The following EPM2A variants were observed in gnomAD, a reference collection of about 807,000 sequenced individuals.
The protein encoded by EPM2A is EPM2A glucan phosphatase, laforin.
A neutral mutation model predicts 26.5 loss-of-function variants in EPM2A; 21 were observed. The ratio of observed to expected loss-of-function variants is 0.79; its 90% CI spans 0.56 to 1.14. EPM2A has a LOEUF of 1.14. Among genes scored for constraint, EPM2A ranks in the 50% most tolerant of loss-of-function variants. The probability of loss-of-function intolerance (pLI) is 0.00; values close to 1 mark genes in which losing one functional copy is unlikely to be tolerated. For missense variants in EPM2A, 458 were observed against 440.8 expected (o/e 1.04, Z -0.35); for synonymous variants, 217 against 177.6 (o/e 1.22, Z -1.76).
At chr6:145,463,456 A>G (rs571385445) in intron 4 of EPM2A, 1 of 152,208 alleles carries the variant, frequency 6.6e-6, no homozygotes, top group Admixed American at 6.5e-5. Context: ...ATATTTATAT[A>G]TGTGTGTGTA....
intron 4 of EPM2A, among the ~76,000 whole-genome samples, chr6:145,486,407 C>T (rs572663634): frequency 2.6e-5 from 4 of 152,196 alleles, no homozygotes; most frequent in South Asian, 2.1e-4. Flanking sequence ...ATCACATTAA[C>T]ATGTTCTTCT....
intron 4 of EPM2A, among the ~76,000 whole-genome samples, chr6:145,387,484 T>C (rs933860307): frequency 1.4e-4 from 22 of 152,240 alleles, no homozygotes; most frequent in African/African-American, 4.8e-4. Flanking sequence ...TCACTGTGTG[T>C]CTGTCTTCCT....
chr6:145,479,788 G>A (rs969664103), intron 4 of EPM2A, among the ~76,000 whole-genome samples: 12 of 151,976 alleles, frequency 7.9e-5, no homozygotes, highest in Admixed American at 3.9e-4. Flanking sequence ...TTGAGTTGAT[G>A]AGTCATATGA....
At chr6:145,575,917 G>T (rs1315213528) in intron 2 of EPM2A, among the ~76,000 whole-genome samples, 1 of 152,128 alleles carries the variant, frequency 6.6e-6, no homozygotes, top group Admixed American at 6.5e-5. Context: ...TCCTCTAGAG[G>T]GACAGACCCA....
At chr6:145,452,386 T>C (rs531133295) in intron 4 of EPM2A, among the ~76,000 whole-genome samples, 2 of 150,478 alleles carry the variant, frequency 1.3e-5, no homozygotes, top group Non-Finnish European at 1.5e-5. Context: ...ATGTTGTTTC[T>C]CTATCAGTAG....
intron 4 of EPM2A, among the ~76,000 whole-genome samples, chr6:145,443,395 T>A (rs1290587721): frequency 6.6e-6 from 1 of 152,210 alleles, no homozygotes; most frequent in East Asian, 1.9e-4. Flanking sequence ...TTCTGTCATC[T>A]CTGATTTCTT....
At chr6:145,648,484 T>C (rs569131800) in intron 2 of EPM2A, among the ~76,000 whole-genome samples, 1 of 152,324 alleles carries the variant, frequency 6.6e-6, no homozygotes, top group South Asian at 2.1e-4. Context: ...ACCATAACCA[T>C]AAGTTCCATT....
At chr6:145,435,047 C>T (rs763406313) in intron 4 of EPM2A, among the ~76,000 whole-genome samples, 1 of 152,188 alleles carries the variant, frequency 6.6e-6, no homozygotes, top group Non-Finnish European at 1.5e-5. Flanking sequence ...TAAGTAAAAG[C>T]TCCCTGAGGC....
intron 2 of EPM2A, among the ~76,000 whole-genome samples, chr6:145,618,010 G>C (rs1480839617): frequency 1.3e-5 from 2 of 152,152 alleles, no homozygotes. Flanking sequence ...AATCCAAAGA[G>C]TACCTGGCTT....
chr6:145,399,151 G>A (rs1582724674), intron 4 of EPM2A, among the ~76,000 whole-genome samples: 1 of 152,088 alleles, frequency 6.6e-6, no homozygotes, highest in African/African-American at 2.4e-5. Context: ...ACAATGTCAT[G>A]TAAATGGATT....
intron 2 of EPM2A, among the ~76,000 whole-genome samples, chr6:145,570,981 T>G (rs900694261): frequency 1.3e-5 from 2 of 152,190 alleles, no homozygotes; most frequent in African/African-American, 4.8e-5. Flanking sequence ...CAATCATAAC[T>G]TCCAGTTTAA....
chr6:145,661,965 C>A (rs1048200021), intron 2 of EPM2A, among the ~76,000 whole-genome samples: 1 of 152,110 alleles, frequency 6.6e-6, no homozygotes, highest in Admixed American at 6.6e-5. Context: ...CAATAAGACA[C>A]ACAAAAAGCC....
rs1013670333 is a variant in EPM2A, at chr6:145,627,000, T to C, written c.*416A>G. ...GGCAACTGACCAGCTCACGCACACA[T>C]ACTAGTGATGAAATCCACATAACTC... On this transcript the variant is annotated 3_prime_UTR_variant, in exon 4 of 4. Transcript: ENST00000367519. 9.1e-6 allele frequency: 10 copies of C among 1,102,816 alleles called. No individual in the cohort carries two copies. Among genetic ancestry groups the C allele is most frequent in the Non-Finnish European group, 8.9e-6 (8 of 900,358 alleles). 68.3% of individuals were successfully genotyped at this position (1,102,816 alleles called of 1,614,324 possible). A position where few individuals can be genotyped will look rare whatever the true frequency, so the allele number is the denominator to read the frequency against.
intron 2 of EPM2A, among the ~76,000 whole-genome samples, chr6:145,659,203 A>G (rs1778507169): frequency 7.0e-6 from 1 of 141,948 alleles, no homozygotes; most frequent in African/African-American, 2.5e-5. Flanking sequence ...TAACCAACCA[A>G]TTTTCCCACA....
chr6:145,725,171 C>T (rs920213055), intron 1 of EPM2A, among the ~76,000 whole-genome samples: 5 of 151,998 alleles, frequency 3.3e-5, no homozygotes, highest in African/African-American at 1.2e-4. Context: ...AGAATATATA[C>T]AGATGGCAAA....
chr6:145,553,529 C>T (rs1310164217), intron 2 of EPM2A, among the ~76,000 whole-genome samples: 1 of 151,964 alleles, frequency 6.6e-6, no homozygotes, highest in Non-Finnish European at 1.5e-5. Flanking sequence ...AGACACTGCT[C>T]ATTAATCATG....
intron 4 of EPM2A, among the ~76,000 whole-genome samples, chr6:145,430,761 T>C (rs1293140700): frequency 6.6e-6 from 1 of 152,182 alleles, no homozygotes; most frequent in African/African-American, 2.4e-5. Context: ...CCTCTTCAAC[T>C]GAAGATGAAT....
intron 4 of EPM2A, among the ~76,000 whole-genome samples, chr6:145,474,387 G>A (rs897506378): frequency 5.9e-5 from 9 of 152,080 alleles, no homozygotes; most frequent in African/African-American, 2.2e-4. Flanking sequence ...ACTTGAACCT[G>A]GGAGGCAGAA....
chr6:145,684,330 T>C (rs938932390), intron 2 of EPM2A, among the ~76,000 whole-genome samples: 1 of 152,064 alleles, frequency 6.6e-6, no homozygotes, highest in African/African-American at 2.4e-5. Context: ...AATCATTCAG[T>C]GGAAAAAAAT....
Sources: allele counts gnomAD v4.1 joint callset (sites outside exome capture counted in the v4.1 genomes callset), GRCh38; gene constraint gnomAD v4.1.1; transcripts MANE v1.5; gene names NCBI Gene and HGNC (gene_info 2026-07-23, HGNC 2026-07-21).